The following TMEM232 variants were observed in gnomAD, a reference collection of about 807,000 sequenced individuals.
TMEM232 encodes transmembrane protein 232.
In TMEM232, 80 loss-of-function variants were observed where a neutral mutation model predicts 78.8. That is an observed-to-expected ratio of 1.01 (90% CI 0.85 to 1.22). The LOEUF is 1.22. TMEM232 is among the 50% of genes most tolerant of loss of function. The pLI is 0.00. For missense variants in TMEM232, 881 were observed against 742.2 expected (o/e 1.19, Z -2.17); for synonymous variants, 297 against 254.3 (o/e 1.17, Z -1.60).
At chr5:110,499,723 AG>A (rs1179091609) in intron 12 of TMEM232, among the ~76,000 whole-genome samples, 1 of 151,990 alleles carries the variant, frequency 6.6e-6, no homozygotes, top group African/African-American at 2.4e-5. Context: ...GTTTCAGACA[AG>A]GGATATTACC....
intron 10 of TMEM232, among the ~76,000 whole-genome samples, chr5:110,579,836 G>A (rs1485484334): frequency 6.6e-6 from 1 of 151,442 alleles, no homozygotes; most frequent in Admixed American, 6.6e-5. Flanking sequence ...TACTTTAAAC[G>A]TAGATTAAAC....
At chr5:110,734,164 A>G (rs565499790) in intron 2 of TMEM232, among the ~76,000 whole-genome samples, 139 of 152,278 alleles carry the variant, frequency 9.1e-4, no homozygotes, top group Admixed American at 4.6e-3. Flanking sequence ...ACAAGTATTT[A>G]TTTTTCTCAT....
At chr5:110,680,080 T>C (rs1201726976) in intron 1 of TMEM232, among the ~76,000 whole-genome samples, 1 of 152,074 alleles carries the variant, frequency 6.6e-6, no homozygotes, top group African/African-American at 2.4e-5. Context: ...TCCTGTTTTG[T>C]TTCAAGCTCC....
chr5:110,716,998 A>G (rs990341226), intron 1 of TMEM232, among the ~76,000 whole-genome samples: 5 of 152,168 alleles, frequency 3.3e-5, no homozygotes, highest in African/African-American at 9.7e-5. Flanking sequence ...AGCAGACAAT[A>G]AAGTAGGGAT....
chr5:110,712,926 G>T (rs948116237), intron 1 of TMEM232, among the ~76,000 whole-genome samples: 5 of 152,052 alleles, frequency 3.3e-5, no homozygotes, highest in South Asian at 2.1e-4. Context: ...CCCAAAGAAG[G>T]GAAATTAGTA....
intron 12 of TMEM232, among the ~76,000 whole-genome samples, chr5:110,503,178 A>G (rs1580966496): frequency 6.6e-6 from 1 of 152,160 alleles, no homozygotes; most frequent in South Asian, 2.1e-4. Context: ...TCTTGTCTCC[A>G]ATGTCAATTT....
chr5:110,433,379 T>C (rs78360366), intron 12 of TMEM232, among the ~76,000 whole-genome samples: 5,440 of 151,834 alleles, frequency 0.036, 263 homozygotes, highest in East Asian at 0.22. Context: ...CTGAAGAACA[T>C]TTGGGTAAAC....
intron 7 of TMEM232, among the ~76,000 whole-genome samples, chr5:110,623,265 T>C (rs1449524573): frequency 1.3e-5 from 2 of 151,764 alleles, no homozygotes; most frequent in African/African-American, 4.9e-5. Flanking sequence ...TATCGTAATA[T>C]CCTATAAAAC....
intron 1 of TMEM232, among the ~76,000 whole-genome samples, chr5:110,687,723 T>C (rs1793601653): frequency 2.0e-5 from 3 of 152,116 alleles, no homozygotes; most frequent in East Asian, 1.9e-4. Context: ...TCTCTCTCTA[T>C]ACATGTGTGT....
intron 12 of TMEM232, among the ~76,000 whole-genome samples, chr5:110,434,671 A>G (rs957646404): frequency 6.6e-6 from 1 of 152,102 alleles, no homozygotes; most frequent in African/African-American, 2.4e-5. Context: ...CTACAGACTA[A>G]TATCTCTGAT....
intron 1 of TMEM232, among the ~76,000 whole-genome samples, chr5:110,677,690 T>C (rs1792193555): frequency 6.6e-6 from 1 of 152,182 alleles, no homozygotes. Context: ...TGTAGAGTAA[T>C]AGGAGAACTT....
At chr5:110,599,215 C>G (rs891245223) in intron 10 of TMEM232, among the ~76,000 whole-genome samples, 1 of 152,082 alleles carries the variant, frequency 6.6e-6, no homozygotes, top group Admixed American at 6.6e-5. Context: ...CCTGCAAAAA[C>G]ATGCCAAAAT....
intron 13 of TMEM232, among the ~76,000 whole-genome samples, chr5:110,421,015 T>C (rs958643314): frequency 6.6e-6 from 1 of 151,762 alleles, no homozygotes; most frequent in Non-Finnish European, 1.5e-5. Flanking sequence ...ATTATAGGTT[T>C]TGTATTTCCA....
At chr5:110,690,272 A>C (rs1429271853) in intron 1 of TMEM232, among the ~76,000 whole-genome samples, 1 of 152,232 alleles carries the variant, frequency 6.6e-6, no homozygotes, top group Non-Finnish European at 1.5e-5. Flanking sequence ...TCTAAAATGA[A>C]TTTAAACAAA....
intron 2 of TMEM232, among the ~76,000 whole-genome samples, chr5:110,654,123 C>A (rs118040115): frequency 6.6e-6 from 1 of 152,094 alleles, no homozygotes; most frequent in African/African-American, 2.4e-5. Context: ...GAAAAGTGTT[C>A]GTTATTAACA....
chr5:110,629,464 T>G (rs1166866253), intron 5 of TMEM232, among the ~76,000 whole-genome samples: 2 of 152,114 alleles, frequency 1.3e-5, no homozygotes, highest in Non-Finnish European at 2.9e-5. Context: ...CTTTCCATAT[T>G]GTATACTGGA....
chr5:110,393,534 GACTA>G (rs906712652), intron 3 of TMEM232, among the ~76,000 whole-genome samples: 8 of 151,882 alleles, frequency 5.3e-5, no homozygotes, highest in Non-Finnish European at 7.4e-5. Flanking sequence ...AATTAAAATT[GACTA>G]ACTATAGATA....
At chr5:110,448,397 T>C (rs935103716) in intron 12 of TMEM232, among the ~76,000 whole-genome samples, 1 of 152,016 alleles carries the variant, frequency 6.6e-6, no homozygotes, top group Non-Finnish European at 1.5e-5. Context: ...CATTAGACCT[T>C]AAACCCTTTA....
In TMEM232 at chr5:110,470,659, C is replaced by T. The variant is rs1044360634; in HGVS notation, c.1704-45743G>A. Among the ~76,000 whole-genome samples, 3 of 152,164 alleles carry T rather than the reference C, an allele frequency of 2.0e-5. No homozygotes were observed. The South Asian group carries it at 6.2e-4, about 32-fold the overall frequency. On this transcript the variant is annotated intron_variant, in intron 12 of 13. Transcript: ENST00000455884. ...AGGCCACTGAGGTACCCAGTTATTGCTGATGTTGATTGCAACTTAGAACCA... is the reference window on the plus strand; with the variant it reads ...AGGCCACTGAGGTACCCAGTTATTGTTGATGTTGATTGCAACTTAGAACCA...
Sources: gnomAD v4.1 joint callset for allele counts (sites outside exome capture counted in the v4.1 genomes callset) on GRCh38, gnomAD v4.1.1 for gene constraint, MANE v1.5 for transcripts, NCBI Gene and HGNC (gene_info 2026-07-23, HGNC 2026-07-21) for gene names.